The following ATXN1 variants were observed in gnomAD, a reference collection of about 807,000 sequenced individuals.
ATXN1 encodes the protein ataxin 1, also known as ataxin-1.
ATXN1 carries 8 observed loss-of-function variants against 56.4 expected under a neutral mutation model. That is an observed-to-expected ratio of 0.14 (90% CI 0.08 to 0.26). The LOEUF is 0.26. Among genes scored for constraint, ATXN1 ranks in the 10% least tolerant of loss-of-function variants. The pLI is 1.00. For missense variants in ATXN1, 987 were observed against 1,106.5 expected, an observed-to-expected ratio of 0.89 and a Z score of 1.53; for synonymous variants, 514 against 494.6, an observed-to-expected ratio of 1.04 and a Z score of -0.52.
intron 2 of ATXN1, among the ~76,000 whole-genome samples, chr6:16,744,086 A>T (rs1404643922): frequency 6.6e-6 from 1 of 152,182 alleles, no homozygotes; most frequent in Non-Finnish European, 1.5e-5. Context: ...GACCAGAACA[A>T]CAATACATCT....
At chr6:16,512,888 T>C (rs1023028883) in intron 5 of ATXN1, among the ~76,000 whole-genome samples, 1 of 152,228 alleles carries the variant, frequency 6.6e-6, no homozygotes, top group African/African-American at 2.4e-5. Flanking sequence ...TCTAGGAATT[T>C]GTTAGTGGCT....
chr6:16,749,354 G>A (rs1207911013), intron 2 of ATXN1, among the ~76,000 whole-genome samples: 1 of 152,188 alleles, frequency 6.6e-6, no homozygotes, highest in Non-Finnish European at 1.5e-5. Flanking sequence ...GGGCTTCACT[G>A]AAAATCTTAA....
intron 3 of ATXN1, among the ~76,000 whole-genome samples, chr6:16,633,056 G>A (rs1763534994): frequency 6.6e-6 from 1 of 151,990 alleles, no homozygotes; most frequent in South Asian, 2.1e-4. Flanking sequence ...ACAATTTGGA[G>A]TTTAAGGGAA....
chr6:16,511,031 T>C (rs1232064867), intron 5 of ATXN1, among the ~76,000 whole-genome samples: 3 of 152,216 alleles, frequency 2.0e-5, no homozygotes, highest in Non-Finnish European at 2.9e-5. Context: ...ATAATACAGA[T>C]TGCTACAGAT....
At chr6:16,754,730 G>T (rs1212717151) in intron 1 of ATXN1, 1 of 152,182 alleles carries the variant, frequency 6.6e-6, no homozygotes, top group Non-Finnish European at 1.5e-5. Flanking sequence ...GTAGTCCTTG[G>T]TTTCCCCACA....
chr6:16,468,319 G>C (rs1760147948), intron 6 of ATXN1, among the ~76,000 whole-genome samples: 1 of 152,176 alleles, frequency 6.6e-6, no homozygotes, highest in Non-Finnish European at 1.5e-5. Context: ...CTGAGTAGCT[G>C]GGACTACAGG....
intron 2 of ATXN1, among the ~76,000 whole-genome samples, chr6:16,748,684 A>G (rs1760614937): frequency 6.6e-6 from 1 of 152,218 alleles, no homozygotes; most frequent in Non-Finnish European, 1.5e-5. Flanking sequence ...TTAGATGCTC[A>G]TTAAATAATT....
intron 7 of ATXN1, among the ~76,000 whole-genome samples, chr6:16,307,804 A>T (rs937353773): frequency 6.6e-6 from 1 of 152,198 alleles, no homozygotes; most frequent in Admixed American, 6.5e-5. Context: ...AAATAAATTT[A>T]AAAACTCTGG....
At chr6:16,720,113 C>T (rs960681565) in intron 2 of ATXN1, among the ~76,000 whole-genome samples, 1 of 152,146 alleles carries the variant, frequency 6.6e-6, no homozygotes, top group Non-Finnish European at 1.5e-5. Flanking sequence ...CCTGGCCATT[C>T]TCTTCCTTTA....
intron 6 of ATXN1, among the ~76,000 whole-genome samples, chr6:16,430,660 A>G (rs1469664629): frequency 6.6e-6 from 1 of 152,136 alleles, no homozygotes; most frequent in African/African-American, 2.4e-5. Context: ...TCTAGTTTTT[A>G]CATAATGTCT....
Position 16,529,007 on chromosome 6 carries a change from C to T in ATXN1, c.-360-6319G>A, listed in dbSNP as rs144105428. The stretch of plus-strand genomic sequence containing the variant: ...CAGCCTGGGCAACATGGTGAAACCC[C>T]ATCTCTACTAAAAATACAGAAATTA... On this transcript the variant is annotated intron_variant, in intron 4 of 7. Transcript: ENST00000436367. 2.6e-3 allele frequency among the ~76,000 whole-genome samples: 391 copies of T among 152,118 alleles called. 1 individual carries two copies. Among genetic ancestry groups the T allele is most frequent in the African/African-American group, 8.4e-3 (350 of 41,484 alleles).
intron 4 of ATXN1, among the ~76,000 whole-genome samples, chr6:16,529,296 C>T (rs1761456219): frequency 6.7e-6 from 1 of 148,860 alleles, no homozygotes; most frequent in South Asian, 2.1e-4. Flanking sequence ...TGTATTAGTG[C>T]CCAACAGGTG....
At chr6:16,350,911 G>A (rs1285629757) in intron 6 of ATXN1, among the ~76,000 whole-genome samples, 1 of 152,158 alleles carries the variant, frequency 6.6e-6, no homozygotes, top group East Asian at 1.9e-4. Flanking sequence ...AGTGAGGCCT[G>A]TCTCTACAAA....
At chr6:16,315,620 C>T (rs1045824170) in intron 7 of ATXN1, among the ~76,000 whole-genome samples, 1 of 152,126 alleles carries the variant, frequency 6.6e-6, no homozygotes, top group Non-Finnish European at 1.5e-5. Context: ...GAGAGAACTC[C>T]CCTGACAGTT....
intron 6 of ATXN1, among the ~76,000 whole-genome samples, chr6:16,351,777 A>C (rs1761572777): frequency 6.6e-6 from 1 of 152,212 alleles, no homozygotes; most frequent in Admixed American, 6.5e-5. Flanking sequence ...GCCTCCTTTC[A>C]GTATCGCAGC....
intron 7 of ATXN1, among the ~76,000 whole-genome samples, chr6:16,318,634 T>C (rs1158866775): frequency 6.6e-6 from 1 of 152,220 alleles, no homozygotes; most frequent in African/African-American, 2.4e-5. Flanking sequence ...CACTGAATCA[T>C]GTTCACGCAA....
chr6:16,536,316 ATAAC>A (rs1761596107), intron 4 of ATXN1, among the ~76,000 whole-genome samples: 1 of 152,216 alleles, frequency 6.6e-6, no homozygotes, highest in South Asian at 2.1e-4. Flanking sequence ...ATGATACACA[ATAAC>A]TAGTCTTGAA....
rs1761316230 is a variant in ATXN1, at chr6:16,522,674, A to G, written c.-346T>C. On this transcript the variant is annotated 5_prime_UTR_variant, in exon 5 of 8. The change abolishes the stop of an existing upstream ORF in the 5' untranslated region. Coordinates refer to ENST00000436367, the MANE Select transcript of ATXN1 (RefSeq NM_001128164.2). ...TTCTTTCTCACGAAGAAAATGGTCT[A>G]ATTTCTTTGGAAAACTGGAATAGAA... 1.3e-5 allele frequency: 2 copies of G among 152,186 alleles called. No individual in the cohort carries two copies. Among genetic ancestry groups the G allele is most frequent in the South Asian group, 4.1e-4 (2 of 4,836 alleles). The allele number at this position is 152,186 out of a possible 1,614,324, so 9.4% of individuals were successfully genotyped here.
At chr6:16,335,573 A>AT (rs1761101599) in intron 6 of ATXN1, among the ~76,000 whole-genome samples, 2 of 152,216 alleles carry the variant, frequency 1.3e-5, no homozygotes, top group South Asian at 4.1e-4. Flanking sequence ...ATGTATCTTA[A>AT]TTTTTATCAT....
Sources: allele counts gnomAD v4.1 joint callset (sites outside exome capture counted in the v4.1 genomes callset), GRCh38; gene constraint gnomAD v4.1.1; transcripts MANE v1.5; gene names NCBI Gene and HGNC (gene_info 2026-07-23, HGNC 2026-07-21).